The following LIPC variants were observed in gnomAD, a reference collection of about 807,000 sequenced individuals.
LIPC encodes the protein hepatic triacylglycerol lipase.
A neutral mutation model predicts 50.7 loss-of-function variants in LIPC; 44 were observed. The observed-to-expected ratio is 0.87, with a 90% confidence interval of 0.68 to 1.11. The LOEUF (loss-of-function observed/expected upper bound fraction) is 1.11, where lower values mean the gene tolerates loss of function less well. Among genes scored for constraint, LIPC ranks in the 50% most tolerant of loss-of-function variants. The pLI, the probability that LIPC is intolerant of heterozygous loss-of-function variation, is 0.00. For synonymous variants in LIPC, 271 were observed against 256.4 expected, an observed-to-expected ratio of 1.06 and a Z score of -0.54; for missense variants, 697 against 648.2, an observed-to-expected ratio of 1.08 and a Z score of -0.82.
intron 6 of LIPC, among the ~76,000 whole-genome samples, chr15:58,552,752 A>C (rs1178342559): frequency 1.3e-5 from 2 of 152,354 alleles, no homozygotes; most frequent in East Asian, 3.9e-4. Flanking sequence ...GTTCCAGAAG[A>C]AGCAGGGGGT....
intron 4 of LIPC, among the ~76,000 whole-genome samples, chr15:58,544,754 T>C (rs1332823881): frequency 6.6e-6 from 1 of 152,130 alleles, no homozygotes; most frequent in East Asian, 1.9e-4. Context: ...ATCTCACGGC[T>C]CACTCTCAAT....
intron 8 of LIPC, chr15:58,566,327 G>C (rs1894364540): frequency 1.0e-6 from 1 of 985,458 alleles, no homozygotes; most frequent in South Asian, 4.7e-5. Flanking sequence ...GGCAGGATCG[G>C]ATGGACTCCA....
chr15:58,457,380 G>A (rs565026946), intron 1 of LIPC, among the ~76,000 whole-genome samples: 1 of 152,186 alleles, frequency 6.6e-6, no homozygotes, highest in African/African-American at 2.4e-5. Context: ...AAAGTGCTGG[G>A]ATTACAGGCG....
chr15:58,435,931 TAAAGGCA>T (rs1211044349), intron 1 of LIPC: 1 of 152,226 alleles, frequency 6.6e-6, no homozygotes, highest in Non-Finnish European at 1.5e-5. Context: ...GTATCAGCGA[TAAAGGCA>T]AAGCTCTTTC....
intron 4 of LIPC, among the ~76,000 whole-genome samples, chr15:58,545,484 G>C (rs1287117582): frequency 6.6e-6 from 1 of 152,122 alleles, no homozygotes; most frequent in African/African-American, 2.4e-5. Context: ...TCATAACCTT[G>C]TGTCTACCAC....
intron 1 of LIPC, among the ~76,000 whole-genome samples, chr15:58,455,586 G>A (rs1894082289): frequency 6.6e-6 from 1 of 152,148 alleles, no homozygotes. Context: ...GAGTTTCAAT[G>A]TGTCCTTATT....
chr15:58,557,681 G>A (rs572223530), intron 6 of LIPC, among the ~76,000 whole-genome samples: 6 of 152,068 alleles, frequency 3.9e-5, no homozygotes, highest in South Asian at 2.1e-4. Context: ...CACCGCGCCC[G>A]GCCTCATTAT....
At chr15:58,531,089 A>G (rs1595924429) in intron 1 of LIPC, among the ~76,000 whole-genome samples, 1 of 152,234 alleles carries the variant, frequency 6.6e-6, no homozygotes. Context: ...TTTTCCAAAG[A>G]AAGTATTTTT....
chr15:58,456,581 C>G (rs1157352017), intron 1 of LIPC, among the ~76,000 whole-genome samples: 21 of 152,238 alleles, frequency 1.4e-4, no homozygotes, highest in African/African-American at 4.6e-4. Context: ...GGGTGTCACT[C>G]CCTCCTAGGA....
At chr15:58,477,552 A>C (rs1458056875) in intron 1 of LIPC, among the ~76,000 whole-genome samples, 2 of 152,200 alleles carry the variant, frequency 1.3e-5, no homozygotes, top group East Asian at 3.9e-4. Flanking sequence ...GGTACAAAAC[A>C]ACACAGAGGA....
intron 1 of LIPC, among the ~76,000 whole-genome samples, chr15:58,459,344 G>A (rs540213110): frequency 6.6e-6 from 1 of 151,910 alleles, no homozygotes; most frequent in Admixed American, 6.5e-5. Context: ...TGACATTGTA[G>A]TTCTGTCCTT....
At chr15:58,562,057 A>G (rs1311964110) in intron 7 of LIPC, among the ~76,000 whole-genome samples, 1 of 152,214 alleles carries the variant, frequency 6.6e-6, no homozygotes, top group Non-Finnish European at 1.5e-5. Flanking sequence ...TCTTACCTAC[A>G]GCAGAAAACT....
chr15:58,562,896 A>G (rs904146236), intron 7 of LIPC, among the ~76,000 whole-genome samples: 3 of 149,724 alleles, frequency 2.0e-5, no homozygotes, highest in South Asian at 4.2e-4. Context: ...ATGGTTCTCA[A>G]TAGTGGAAAG....
chr15:58,489,618 C>T (rs1324857444), intron 1 of LIPC, among the ~76,000 whole-genome samples: 1 of 152,112 alleles, frequency 6.6e-6, no homozygotes, highest in Non-Finnish European at 1.5e-5. Context: ...CTCAAAAGAT[C>T]CATCTTAGGC....
chr15:58,478,964 C>G (rs539345844), intron 1 of LIPC, among the ~76,000 whole-genome samples: 1 of 152,242 alleles, frequency 6.6e-6, no homozygotes, highest in African/African-American at 2.4e-5. Flanking sequence ...CACATTCTGA[C>G]GGGCTCTAGG....
chr15:58,466,740 A>C (rs541028397), intron 1 of LIPC, among the ~76,000 whole-genome samples: 16 of 152,336 alleles, frequency 1.1e-4, no homozygotes, highest in African/African-American at 3.6e-4. Flanking sequence ...ATATGACCCC[A>C]TAAGACCTTC....
At chr15:58,515,560 A>G (rs1892461588) in intron 1 of LIPC, among the ~76,000 whole-genome samples, 1 of 149,892 alleles carries the variant, frequency 6.7e-6, no homozygotes, top group Non-Finnish European at 1.5e-5. Flanking sequence ...ATATCTCAAA[A>G]TATCACCAAA....
At chr15:58,564,708 CAGAG>C (rs1894297664) in intron 8 of LIPC, among the ~76,000 whole-genome samples, 3 of 152,076 alleles carry the variant, frequency 2.0e-5, no homozygotes, top group South Asian at 4.2e-4. Flanking sequence ...GCCTGGATGA[CAGAG>C]AGAGAGACTC....
intron 8 of LIPC, chr15:58,566,243 C>G (rs1894361900): frequency 1.0e-6 from 1 of 985,298 alleles, no homozygotes; most frequent in African/African-American, 1.7e-5. Context: ...ACACTTGGGG[C>G]TGTGCTGCAA....
Sources: gnomAD v4.1 joint callset for allele counts (sites outside exome capture counted in the v4.1 genomes callset) on GRCh38, gnomAD v4.1.1 for gene constraint, MANE v1.5 for transcripts, NCBI Gene and HGNC (gene_info 2026-07-23, HGNC 2026-07-21) for gene names.